Variants in GPC5 observed in about 807,000 individuals in gnomAD.
The protein encoded by GPC5 is glypican-5.
In GPC5, 47 loss-of-function variants were observed where a neutral mutation model predicts 53.9. The observed-to-expected ratio is 0.87, with a 90% CI of 0.69 to 1.11. GPC5 has a LOEUF of 1.11. GPC5 is among the 50% of genes most tolerant of loss of function. GPC5 has a pLI of 0.00. For missense variants in GPC5, 748 were observed against 713.1 expected (o/e 1.05, Z -0.56); for synonymous variants, 286 against 263.3 (o/e 1.09, Z -0.84).
In GPC5 at chr13:92,549,669, A is replaced by G. The variant is rs962583270; in HGVS notation, c.1562-316613A>G. ...TAATGCCTCCTTCAAGAAAAATAAC[A>G]ACAAACTAGTACTTATTGCCCATTT... On this transcript the variant is annotated intron_variant, in intron 7 of 7. Coordinates refer to ENST00000377067, the MANE Select transcript of GPC5 (RefSeq NM_004466.6). Among the ~76,000 whole-genome samples, 23 of 152,180 alleles carry G rather than the reference A, an allele frequency of 1.5e-4. No homozygotes were observed. The East Asian group carries it at 4.2e-3, about 28-fold the overall frequency.
intron 7 of GPC5, among the ~76,000 whole-genome samples, chr13:92,585,427 C>G (rs1284017336): frequency 1.3e-5 from 2 of 152,166 alleles, no homozygotes; most frequent in East Asian, 3.9e-4. Flanking sequence ...TCAGCCAATG[C>G]CTCCCATTTG....
intron 4 of GPC5, among the ~76,000 whole-genome samples, chr13:91,749,998 C>T (rs2037135693): frequency 6.6e-6 from 1 of 152,062 alleles, no homozygotes; most frequent in South Asian, 2.1e-4. Flanking sequence ...TTAGTAGAAA[C>T]GGGGTTTAGC....
At chr13:91,713,858 T>C (rs777704608) in intron 3 of GPC5, among the ~76,000 whole-genome samples, 2 of 152,182 alleles carry the variant, frequency 1.3e-5, no homozygotes, top group Non-Finnish European at 2.9e-5. Context: ...TAGGTTTGAG[T>C]TGCTCTTTTA....
intron 2 of GPC5, among the ~76,000 whole-genome samples, chr13:91,476,264 A>T (rs941153111): frequency 3.9e-5 from 6 of 152,186 alleles, no homozygotes; most frequent in Non-Finnish European, 8.8e-5. Context: ...AGGGAGCAAA[A>T]TCACCCCAAG....
intron 7 of GPC5, among the ~76,000 whole-genome samples, chr13:92,201,319 C>G (rs1013599979): frequency 1.3e-5 from 2 of 152,134 alleles, no homozygotes; most frequent in African/African-American, 4.8e-5. Context: ...TTGGTTAAAT[C>G]TAATATTTGA....
At chr13:92,845,585 T>A (rs866578987) in intron 7 of GPC5, among the ~76,000 whole-genome samples, 1 of 152,174 alleles carries the variant, frequency 6.6e-6, no homozygotes, top group Non-Finnish European at 1.5e-5. Flanking sequence ...TCTGCTTTAC[T>A]CAGTCTACCT....
At chr13:92,843,514 C>T (rs1273619414) in intron 7 of GPC5, among the ~76,000 whole-genome samples, 1 of 152,092 alleles carries the variant, frequency 6.6e-6, no homozygotes, top group African/African-American at 2.4e-5. Flanking sequence ...CAAAGGCATC[C>T]ACCATCCCTC....
At chr13:92,717,046 T>A in intron 7 of GPC5, among the ~76,000 whole-genome samples, 1 of 151,784 alleles carries the variant, frequency 6.6e-6, no homozygotes, top group South Asian at 2.1e-4. Flanking sequence ...TCAAGCCCTG[T>A]TCGAATTCAC....
chr13:91,726,237 C>T (rs188633489), intron 3 of GPC5, among the ~76,000 whole-genome samples: 193 of 152,236 alleles, frequency 1.3e-3, no homozygotes, highest in African/African-American at 4.4e-3. Flanking sequence ...GTTGACTTTG[C>T]CTCTCTTCTA....
At chr13:91,783,774 T>C (rs1310464961) in intron 5 of GPC5, among the ~76,000 whole-genome samples, 4 of 152,104 alleles carry the variant, frequency 2.6e-5, no homozygotes. Flanking sequence ...TAACCAACAT[T>C]TTCCCCTTCA....
intron 2 of GPC5, among the ~76,000 whole-genome samples, chr13:91,598,359 A>G (rs1291922020): frequency 6.6e-6 from 1 of 152,016 alleles, no homozygotes; most frequent in African/African-American, 2.4e-5. Context: ...AAATATTTAT[A>G]AACAAATATA....
chr13:92,202,340 TTTG>T (rs1221643947), intron 7 of GPC5, among the ~76,000 whole-genome samples: 9 of 152,162 alleles, frequency 5.9e-5, no homozygotes, highest in African/African-American at 2.2e-4. Flanking sequence ...CTTCAAAGTG[TTTG>T]TTATTTTGAT....
chr13:92,075,229 T>C (rs2041243383), intron 6 of GPC5, among the ~76,000 whole-genome samples: 1 of 152,202 alleles, frequency 6.6e-6, no homozygotes. Context: ...CGAAAAAATG[T>C]TCTTAGAAAG....
At chr13:92,205,278 A>G (rs959900535) in intron 7 of GPC5, among the ~76,000 whole-genome samples, 2 of 152,098 alleles carry the variant, frequency 1.3e-5, no homozygotes, top group Non-Finnish European at 2.9e-5. Flanking sequence ...TTGGAGACCT[A>G]GAGTTTTTAT....
chr13:91,468,369 G>A (rs1882382432), intron 2 of GPC5, among the ~76,000 whole-genome samples: 1 of 152,100 alleles, frequency 6.6e-6, no homozygotes. Context: ...ACTTCATAAT[G>A]TAACCTTATT....
chr13:92,457,710 C>T (rs1325118410), intron 7 of GPC5, among the ~76,000 whole-genome samples: 1 of 152,120 alleles, frequency 6.6e-6, no homozygotes, highest in East Asian at 1.9e-4. Context: ...ATATTCCATC[C>T]ATGCAAAATG....
chr13:91,693,450 G>C lies in GPC5; in HGVS notation c.589G>C (p.Ala197Pro), dbSNP rs772545832. Residue 197 changes from alanine to proline, a missense_variant, in exon 3 of 8, where the codon GCT becomes CCT. Physicochemically the swap from Ala to Pro is conservative, Grantham distance 27 (BLOSUM62 -1). Coordinates refer to ENST00000377067, the MANE Select transcript of GPC5 (RefSeq NM_004466.6). ...GGAATACTCAGAATGCATCCGGATG[G>C]CTCGCCGGGATGTGAGTCCATTTGG... ...SLEYSECIRM[A>P]RRDVSPFGNI... is the part of the protein sequence containing the mutation. 1 of 1,613,986 alleles carries C rather than the reference G, an allele frequency of 6.2e-7. No individual in the cohort carries two copies. The highest frequency in any genetic ancestry group is 1.3e-5 in the African/African-American group (1 of 74,898).
intron 7 of GPC5, among the ~76,000 whole-genome samples, chr13:92,602,808 A>G (rs1884123685): frequency 6.6e-6 from 1 of 152,176 alleles, no homozygotes; most frequent in Non-Finnish European, 1.5e-5. Flanking sequence ...CTCACTAAAA[A>G]GACACACAAG....
At chr13:91,647,181 A>G (rs2034581926) in intron 2 of GPC5, among the ~76,000 whole-genome samples, 1 of 151,772 alleles carries the variant, frequency 6.6e-6, no homozygotes, top group Admixed American at 6.6e-5. Context: ...TGTGCAGGGT[A>G]TACATGTGGC....
Sources: allele counts gnomAD v4.1 joint callset (sites outside exome capture counted in the v4.1 genomes callset), GRCh38; gene constraint gnomAD v4.1.1; transcripts MANE v1.5; gene names NCBI Gene and HGNC (gene_info 2026-07-23, HGNC 2026-07-21).